CCL26: variants seen among roughly 807,000 people sequenced by gnomAD.
CCL26 encodes C-C motif chemokine 26.
In CCL26, 10 loss-of-function variants were observed where a neutral mutation model predicts 10.7. The ratio of observed to expected loss-of-function variants is 0.93; its 90% CI spans 0.57 to 1.58. CCL26 has a LOEUF of 1.58. Among genes scored for constraint, CCL26 ranks in the 40% most tolerant of loss-of-function variants. The probability of loss-of-function intolerance (pLI) is 0.00; values close to 1 mark genes in which losing one functional copy is unlikely to be tolerated. For synonymous variants in CCL26, 43 were observed against 41.4 expected, an observed-to-expected ratio of 1.04 and a Z score of -0.15; for missense variants, 116 against 111.0, an observed-to-expected ratio of 1.05 and a Z score of -0.20.
chr7:75,790,415 A>T (rs1803308282), upstream of CCL26, among the ~76,000 whole-genome samples: 1 of 122,072 alleles, frequency 8.2e-6, no homozygotes, highest in Admixed American at 8.5e-5. Flanking sequence ...ATGTTCTGCT[A>T]ACTTAAAAAA....
chr7:75,785,752 G>A (rs184564125), intron 1 of CCL26, among the ~76,000 whole-genome samples: 11 of 152,026 alleles, frequency 7.2e-5, no homozygotes, highest in Non-Finnish European at 1.2e-4. Context: ...TCCTCTTTCC[G>A]TTCCTTGAAG....
At chr7:75,782,194 T>G (rs1417518338) in intron 1 of CCL26, among the ~76,000 whole-genome samples, 2 of 152,202 alleles carry the variant, frequency 1.3e-5, no homozygotes, top group African/African-American at 2.4e-5. Flanking sequence ...TTTCAATTCC[T>G]TTCATTTTCT....
intron 2 of CCL26, 74 bp from the exon 3 acceptor site, chr7:75,769,863 G>A: frequency 1.1e-6 from 1 of 913,466 alleles, no homozygotes; most frequent in Non-Finnish European, 1.8e-6. Context: ...AGGGAAGGAG[G>A]GGCAGCTCTC....
upstream of CCL26, among the ~76,000 whole-genome samples, chr7:75,790,178 C>CCTTTCTTTCTTTCTTT (rs782115911): frequency 7.9e-4 from 35 of 44,344 alleles, 1 homozygote; most frequent in South Asian, 3.2e-3. Context: ...TTCCTTCCTT[C>CCTTTCTTTCTTTCTTT]CTTTCTTTCT....
intron 1 of CCL26, among the ~76,000 whole-genome samples, chr7:75,784,003 G>A (rs1409129793): frequency 2.0e-5 from 3 of 152,126 alleles, no homozygotes; most frequent in African/African-American, 4.8e-5. Context: ...CCGCACAATA[G>A]GACTTAATAA....
chr7:75,786,522 C>T (rs1437030702), intron 1 of CCL26, among the ~76,000 whole-genome samples: 2 of 152,148 alleles, frequency 1.3e-5, no homozygotes, highest in East Asian at 1.9e-4. Context: ...TTTCCTCCCT[C>T]GTAAGGGTCC....
At chr7:75,780,421 A>G (rs1803037235) in intron 1 of CCL26, among the ~76,000 whole-genome samples, 1 of 152,094 alleles carries the variant, frequency 6.6e-6, no homozygotes, top group African/African-American at 2.4e-5. Flanking sequence ...GTGTTCTCAA[A>G]AACTTTTAAA....
chr7:75,791,423 C>T (rs1554530851), upstream of CCL26, among the ~76,000 whole-genome samples: 1 of 152,174 alleles, frequency 6.6e-6, no homozygotes, highest in African/African-American at 2.4e-5. Context: ...CTCCTGCTCT[C>T]TTCCCTCCAG....
chr7:75,769,971 C>T (rs574511338), intron 2 of CCL26, among the ~76,000 whole-genome samples, 182 bp from the exon 3 acceptor site: 28 of 152,250 alleles, frequency 1.8e-4, no homozygotes, highest in African/African-American at 6.5e-4. Context: ...TCTTGATTTC[C>T]ACTGGAAACT....
chr7:75,789,949 G>A (rs577055433), upstream of CCL26: 1 of 151,898 alleles, frequency 6.6e-6, no homozygotes, highest in South Asian at 2.1e-4. Flanking sequence ...CAGATGTATT[G>A]CAGAAATAAT....
At chr7:75,770,059 A>G (rs933879139) in intron 2 of CCL26, among the ~76,000 whole-genome samples, 37 of 140,356 alleles carry the variant, frequency 2.6e-4, no homozygotes, top group Admixed American at 2.5e-3. Context: ...AACCTGCACC[A>G]GGACACTTAA....
upstream of CCL26, among the ~76,000 whole-genome samples, chr7:75,776,231 C>T (rs1226060685): frequency 4.0e-5 from 6 of 151,748 alleles, no homozygotes; most frequent in South Asian, 2.1e-4. Flanking sequence ...ACCACCATGC[C>T]CGACTAATTT....
chr7:75,788,608 G>A lies in CCL26; in HGVS notation c.-79+1109C>T, dbSNP rs551435168. On this transcript the variant is annotated intron_variant, in intron 1 of 3. Coordinates refer to the CCL26 transcript ENST00000394905. ...ACTAACATTAGCCAGGTGTGGTGGT[G>A]TGCGTCTGTAATCCCAGCTACTCAG... Among the ~76,000 whole-genome samples, 11 of 151,934 alleles carry A rather than the reference G, an allele frequency of 7.2e-5. No homozygotes were observed. In the South Asian group the frequency reaches 1.0e-3, roughly 14 times the overall value.
intron 1 of CCL26, among the ~76,000 whole-genome samples, chr7:75,779,685 C>T (rs116956800): frequency 0.025 from 3,790 of 152,348 alleles, 68 homozygotes; most frequent in Middle Eastern, 0.082. Flanking sequence ...CGCGGGGACG[C>T]GTGCCTGATT....
chr7:75,778,025 A>G (rs1353014780), intron 1 of CCL26, among the ~76,000 whole-genome samples: 3 of 151,992 alleles, frequency 2.0e-5, no homozygotes, highest in African/African-American at 4.8e-5. Flanking sequence ...CAGCCGACAT[A>G]TTTATTTCAA....
chr7:75,779,396 C>CTATG (rs1467964471), intron 1 of CCL26, among the ~76,000 whole-genome samples: 6 of 152,146 alleles, frequency 3.9e-5, no homozygotes, highest in Non-Finnish European at 7.3e-5. Flanking sequence ...AAAGATCCAC[C>CTATG]TATGACCTCA....
At chr7:75,778,896 C>T (rs1803001123) in intron 1 of CCL26, among the ~76,000 whole-genome samples, 2 of 152,126 alleles carry the variant, frequency 1.3e-5, no homozygotes, top group Non-Finnish European at 2.9e-5. Flanking sequence ...GCCTGACCAA[C>T]ATGGTGAAAC....
chr7:75,790,069 C>G (rs1207588345), upstream of CCL26, among the ~76,000 whole-genome samples: 1 of 117,540 alleles, frequency 8.5e-6, no homozygotes, highest in Admixed American at 1.1e-4. Flanking sequence ...CTTTCTTTCC[C>G]TTCTTTTCTT....
intron 2 of CCL26, among the ~76,000 whole-genome samples, chr7:75,770,696 GA>G (rs1802802240): frequency 6.6e-6 from 1 of 151,514 alleles, no homozygotes; most frequent in Non-Finnish European, 1.5e-5. Flanking sequence ...TATTTTTTTT[GA>G]AACAGTTTCT....
Sources: allele counts gnomAD v4.1 joint callset (sites outside exome capture counted in the v4.1 genomes callset), GRCh38; gene constraint gnomAD v4.1.1; transcripts MANE v1.5; gene names NCBI Gene and HGNC (gene_info 2026-07-23, HGNC 2026-07-21).